ADGRE3: variants seen among roughly 807,000 people sequenced by gnomAD.
The protein encoded by ADGRE3 is adhesion G protein-coupled receptor E3.
ADGRE3 carries 88 observed loss-of-function variants against 80.1 expected under a neutral mutation model. That is an observed-to-expected ratio of 1.10 (90% CI 0.93 to 1.31). The LOEUF (loss-of-function observed/expected upper bound fraction) is 1.31, where lower values mean the gene tolerates loss of function less well. ADGRE3 is among the 40% of genes most tolerant of loss of function. The pLI is 0.00. For synonymous variants in ADGRE3, 281 were observed against 294.8 expected, an observed-to-expected ratio of 0.95 and a Z score of 0.48; for missense variants, 715 against 776.5, an observed-to-expected ratio of 0.92 and a Z score of 0.94.
At chr19:14,669,771 T>A in intron 1 of ADGRE3, among the ~76,000 whole-genome samples, 1 of 152,148 alleles carries the variant, frequency 6.6e-6, no homozygotes, top group East Asian at 1.9e-4. Context: ...ATTACGGGCA[T>A]GAGCCACTCT....
At chr19:14,647,920 A>G (rs1433477526) in intron 7 of ADGRE3, among the ~76,000 whole-genome samples, 1 of 151,586 alleles carries the variant, frequency 6.6e-6, no homozygotes, top group African/African-American at 2.4e-5. Context: ...TGTCTCTACT[A>G]AAAATACAAA....
chr19:14,658,610 G>T, intron 4 of ADGRE3, 60 bp from the exon 5 acceptor site: 1 of 1,333,344 alleles, frequency 7.5e-7, no homozygotes, highest in Non-Finnish European at 1.0e-6. Flanking sequence ...GCAGAGGGGT[G>T]GGCAGGTGGG....
At chr19:14,659,231 T>C (rs1296483556) in intron 4 of ADGRE3, among the ~76,000 whole-genome samples, 3 of 151,564 alleles carry the variant, frequency 2.0e-5, no homozygotes, top group Non-Finnish European at 4.4e-5. Context: ...TTTGTAGAGA[T>C]GGGGTTTCGC....
Position 14,647,199 on chromosome 19 carries a change from C to A in ADGRE3, c.864G>T (p.Leu288=), listed in dbSNP as rs1445519596. ...RNVSLSKSVT[L]TFQHVKMTPS... is the part of the protein sequence containing the mutation. ...GACCCACCTTCACGTGCTGGAAAGT[C>A]AGCGTCACAGACTTGGAGAGAGACA... is the stretch of plus-strand genomic sequence containing the variant. Residue 288 remains leucine (L), a synonymous_variant, in exon 8 of 16, where the codon CTG becomes CTT. Coordinates refer to ENST00000253673, the MANE Select transcript of ADGRE3 (RefSeq NM_032571.5). 6.2e-7 allele frequency: 1 copy of A among 1,613,770 alleles called. No individual in the cohort carries two copies. The highest frequency in any genetic ancestry group is 1.3e-5 in the African/African-American group (1 of 75,006).
Position 14,638,281 on chromosome 19 carries a change from C to G in ADGRE3, c.1308G>C (p.Trp436Cys). ...AGAGGTGCACACCCTCCAGCAGCAT[C>G]CAGGTGAAGGCGGCCAGGTAGAGAT... ...LHYLYLAAFT[W>C]MLLEGVHLFL... is the part of the protein sequence containing the mutation. The change falls in exon 11 of 16, where the codon TGG becomes TGC. Residue 436 changes from tryptophan to cysteine, a missense_variant. Transcript: ENST00000253673. 6.2e-7 allele frequency: 1 copy of G among 1,614,112 alleles called. No homozygotes were observed. Among genetic ancestry groups the G allele is most frequent in the Non-Finnish European group, 8.5e-7 (1 of 1,180,012 alleles).
intron 14 of ADGRE3, 38 bp from the exon 15 acceptor site, chr19:14,625,637 A>G: frequency 1.6e-6 from 2 of 1,253,068 alleles, no homozygotes; most frequent in Non-Finnish European, 2.3e-6. Flanking sequence ...GGGTTTTGCT[A>G]ACATTGGTGA....
chr19:14,624,916 T>A (rs192345948), intron 15 of ADGRE3, among the ~76,000 whole-genome samples: 432 of 151,968 alleles, frequency 2.8e-3, no homozygotes, highest in Non-Finnish European at 4.7e-3. Context: ...CACTGGGGCC[T>A]GTTAGGGGAC....
chr19:14,607,415 G>A, the ADGRE3 span, among the ~76,000 whole-genome samples: 1 of 151,404 alleles, frequency 6.6e-6, no homozygotes, highest in African/African-American at 2.4e-5. Context: ...GTGTTAGCCA[G>A]GATGGTCTTG....
At chr19:14,627,412 C>G (rs934651530) in intron 14 of ADGRE3, among the ~76,000 whole-genome samples, 9 of 152,202 alleles carry the variant, frequency 5.9e-5, no homozygotes, top group Admixed American at 5.9e-4. Context: ...GAGTCTCGCT[C>G]TGTTGCTCAG....
At chr19:14,671,589 G>A (rs904818975) in intron 1 of ADGRE3, among the ~76,000 whole-genome samples, 1 of 152,048 alleles carries the variant, frequency 6.6e-6, no homozygotes, top group Admixed American at 6.5e-5. Flanking sequence ...AGGTTCCAGG[G>A]ATTAGGATGT....
the ADGRE3 span, chr19:14,610,246 A>C: frequency 1.3e-6 from 2 of 1,542,206 alleles, no homozygotes; most frequent in Non-Finnish European, 1.7e-6. Flanking sequence ...CTTTGAGATG[A>C]GAATCTCCTG....
chr19:14,658,839 A>AT (rs1971853307), intron 4 of ADGRE3, among the ~76,000 whole-genome samples: 1 of 151,770 alleles, frequency 6.6e-6, no homozygotes, highest in African/African-American at 2.4e-5. Flanking sequence ...GGTTCAAGTG[A>AT]TTCTCCTGCC....
intron 1 of ADGRE3, among the ~76,000 whole-genome samples, chr19:14,672,292 A>G (rs1188882345): frequency 1.2e-4 from 18 of 152,234 alleles, no homozygotes; most frequent in Non-Finnish European, 2.9e-5. Flanking sequence ...GTGTGTCAGA[A>G]TCCCAGAGTT....
intron 8 of ADGRE3, among the ~76,000 whole-genome samples, chr19:14,645,205 G>A (rs148277349): frequency 2.0e-5 from 3 of 152,236 alleles, no homozygotes; most frequent in Non-Finnish European, 4.4e-5. Context: ...AAAAAGCAGT[G>A]GAGTCTGAAG....
chr19:14,602,618 A>C, the ADGRE3 span, among the ~76,000 whole-genome samples: 1 of 152,132 alleles, frequency 6.6e-6, no homozygotes, highest in East Asian at 1.9e-4. Flanking sequence ...GACCGTTTAC[A>C]TTTAATATAA....
At chr19:14,638,023 T>C (rs1234422666) in intron 11 of ADGRE3, 82 bp downstream of exon 11, 1 of 985,568 alleles carries the variant, frequency 1.0e-6, no homozygotes, top group Admixed American at 1.8e-5. Context: ...TGGTTACGTA[T>C]ATTCCCACCA....
chr19:14,608,135 G>T, the ADGRE3 span, among the ~76,000 whole-genome samples: 2 of 152,148 alleles, frequency 1.3e-5, no homozygotes, highest in African/African-American at 4.8e-5. Flanking sequence ...GCCTCCCAAA[G>T]TGCTGGGATG....
rs1319273337 is a variant in ADGRE3, at chr19:14,620,567, TA to T, written c.1921-1097del. Among the ~76,000 whole-genome samples, 71 of 26,038 alleles carry T rather than the reference TA, an allele frequency of 2.7e-3. 9 individuals carry two copies. The highest frequency in any genetic ancestry group is 4.4e-3 in the Non-Finnish European group (61 of 13,818). The allele number at this position is 26,038 out of a possible 152,430, so 17.1% of individuals were successfully genotyped here. A position where few individuals can be genotyped will look rare whatever the true frequency, so the allele number is the denominator to read the frequency against. On this transcript the variant is annotated intron_variant, in intron 15 of 15. Transcript: ENST00000253673. ...TATATATTATATATATATATATATA[TA>T]TTTTTTTTTTTTTTTTTTTTTTTTT...
At chr19:14,655,780 G>GT in intron 5 of ADGRE3, among the ~76,000 whole-genome samples, 1 of 151,906 alleles carries the variant, frequency 6.6e-6, no homozygotes, top group Non-Finnish European at 1.5e-5. Context: ...TATTATTAAC[G>GT]TTTTTTGCCA....
Sources: gnomAD v4.1 joint callset for allele counts (sites outside exome capture counted in the v4.1 genomes callset) on GRCh38, gnomAD v4.1.1 for gene constraint, MANE v1.5 for transcripts, NCBI Gene and HGNC (gene_info 2026-07-23, HGNC 2026-07-21) for gene names.